GREM2: variants seen among roughly 807,000 people sequenced by gnomAD.
GREM2 encodes gremlin-2.
Under a neutral mutation model 14.2 loss-of-function variants are expected in GREM2, and 11 were observed. That is an observed-to-expected ratio of 0.78 (90% CI 0.49 to 1.28). GREM2 has a LOEUF of 1.28. Ranked by LOEUF, GREM2 falls within the 50% of genes most tolerant of loss-of-function variation. The pLI is 0.00. For missense variants in GREM2, 210 were observed against 218.5 expected (o/e 0.96, Z 0.24); for synonymous variants, 98 against 97.6 (o/e 1.00, Z -0.02).
intron 1 of GREM2, among the ~76,000 whole-genome samples, chr1:240,503,748 G>T (rs1407677881): frequency 3.3e-5 from 5 of 152,128 alleles, no homozygotes; most frequent in African/African-American, 1.2e-4. Context: ...ATAAAATGCT[G>T]TTTCCTTTGT....
At chr1:240,503,614 TG>T (rs750058169) in intron 1 of GREM2, among the ~76,000 whole-genome samples, 6 of 152,218 alleles carry the variant, frequency 3.9e-5, no homozygotes, top group Non-Finnish European at 8.8e-5. Context: ...TTACACCTTA[TG>T]CTTGAAATGC....
chr1:240,552,523 A>G (rs896351177), intron 1 of GREM2, among the ~76,000 whole-genome samples: 1 of 152,178 alleles, frequency 6.6e-6, no homozygotes, highest in African/African-American at 2.4e-5. Context: ...TGAGCCCAAG[A>G]GTTTGAGATT....
At chr1:240,573,871 C>A (rs1679306879) in intron 1 of GREM2, among the ~76,000 whole-genome samples, 1 of 152,086 alleles carries the variant, frequency 6.6e-6, no homozygotes, top group African/African-American at 2.4e-5. Context: ...AGAGCTGGGA[C>A]TGGAATCCAG....
At chr1:240,569,645 A>G (rs1354633250) in intron 1 of GREM2, among the ~76,000 whole-genome samples, 1 of 152,210 alleles carries the variant, frequency 6.6e-6, no homozygotes, top group African/African-American at 2.4e-5. Flanking sequence ...CTATCCATAG[A>G]TGGGGAAAAA....
chr1:240,562,764 T>C (rs1010785133), intron 1 of GREM2, among the ~76,000 whole-genome samples: 17 of 151,858 alleles, frequency 1.1e-4, no homozygotes, highest in African/African-American at 3.6e-4. Flanking sequence ...TGTGTGTATG[T>C]ATATGTGTGT....
chr1:240,495,813 A>G (rs1677400271), intron 1 of GREM2, among the ~76,000 whole-genome samples: 1 of 152,202 alleles, frequency 6.6e-6, no homozygotes, highest in African/African-American at 2.4e-5. Flanking sequence ...AGGCCTTTGC[A>G]TGCCACCTTG....
At chr1:240,575,901 G>GA (rs200904291) in intron 1 of GREM2, among the ~76,000 whole-genome samples, 42,658 of 130,268 alleles carry the variant, frequency 0.33, 7,209 homozygotes, top group African/African-American at 0.46. Context: ...TGCTCTGCTG[G>GA]AAAAAAAAAA....
chr1:240,554,363 A>G (rs1287931388), intron 1 of GREM2, among the ~76,000 whole-genome samples: 1 of 146,972 alleles, frequency 6.8e-6, no homozygotes, highest in Non-Finnish European at 1.5e-5. Flanking sequence ...GTGAGCTGAG[A>G]CCCCGCCACT....
chr1:240,596,780 G>T (rs1679826594), intron 1 of GREM2, among the ~76,000 whole-genome samples: 1 of 151,784 alleles, frequency 6.6e-6, no homozygotes, highest in Admixed American at 6.6e-5. Flanking sequence ...TTCCAGGTAA[G>T]TCTTTGACAC....
intron 1 of GREM2, among the ~76,000 whole-genome samples, chr1:240,565,156 T>C (rs764559359): frequency 2.0e-5 from 3 of 152,200 alleles, no homozygotes; most frequent in Non-Finnish European, 4.4e-5. Context: ...TACCTTATTG[T>C]TGAATGTGTG....
At chr1:240,534,411 C>T (rs1009420826) in intron 1 of GREM2, among the ~76,000 whole-genome samples, 6 of 152,088 alleles carry the variant, frequency 3.9e-5, no homozygotes, top group Non-Finnish European at 8.8e-5. Context: ...TGCAAAAGGC[C>T]GGGTGCAGTG....
intron 1 of GREM2, among the ~76,000 whole-genome samples, chr1:240,563,035 T>C (rs576207587): frequency 6.9e-6 from 1 of 143,950 alleles, no homozygotes; most frequent in Non-Finnish European, 1.5e-5. Flanking sequence ...TGTATATGAG[T>C]GTGTATGTGT....
intron 1 of GREM2, among the ~76,000 whole-genome samples, chr1:240,559,219 T>G (rs910912303): frequency 6.6e-6 from 1 of 152,178 alleles, no homozygotes; most frequent in African/African-American, 2.4e-5. Context: ...AGCATGATTT[T>G]ATAACCTCAT....
intron 1 of GREM2, among the ~76,000 whole-genome samples, chr1:240,576,428 A>T (rs1360111850): frequency 1.3e-5 from 2 of 152,220 alleles, no homozygotes; most frequent in Admixed American, 6.5e-5. Context: ...CGTTACTAGC[A>T]TCACCAGTCC....
chr1:240,518,890 A>G (rs1418447044), intron 1 of GREM2, among the ~76,000 whole-genome samples: 19 of 152,212 alleles, frequency 1.2e-4, no homozygotes, highest in Non-Finnish European at 2.9e-5. Flanking sequence ...ATGTTGCTTG[A>G]TGAATTTATT....
chr1:240,507,667 A>G (rs1677711920), intron 1 of GREM2, among the ~76,000 whole-genome samples: 1 of 152,112 alleles, frequency 6.6e-6, no homozygotes, highest in Admixed American at 6.5e-5. Context: ...AAGGAAATCT[A>G]CAAAGGAAGA....
At chr1:240,603,246 C>G (rs1679963250) in intron 1 of GREM2, among the ~76,000 whole-genome samples, 1 of 152,170 alleles carries the variant, frequency 6.6e-6, no homozygotes, top group South Asian at 2.1e-4. Context: ...CAAGTAATTA[C>G]TGGTGCTTGA....
chr1:240,547,054 C>A (rs1678741365), intron 1 of GREM2, among the ~76,000 whole-genome samples: 1 of 151,926 alleles, frequency 6.6e-6, no homozygotes, highest in South Asian at 2.1e-4. Context: ...CTGGCCTGGC[C>A]TTAACAGGAA....
At position 240,576,241 on chromosome 1, in the gene GREM2, G is replaced by A. The variant is rs568241338; in HGVS notation, c.-2+35643C>T. 2.0e-5 allele frequency among the ~76,000 whole-genome samples: 3 copies of A among 152,306 alleles called. No individual in the cohort carries two copies. The East Asian group carries it at 5.8e-4, about 29-fold the overall frequency. On this transcript the variant is annotated intron_variant, in intron 1 of 1. Transcript: ENST00000318160. ...AAATTCATAGATAATTCAGTTTCAT[G>A]AACTAGGGCCAGCAATAGAATTGTC... is the stretch of plus-strand genomic sequence containing the variant.
Sources: gnomAD v4.1 joint callset for allele counts (sites outside exome capture counted in the v4.1 genomes callset) on GRCh38, gnomAD v4.1.1 for gene constraint, MANE v1.5 for transcripts, NCBI Gene and HGNC (gene_info 2026-07-23, HGNC 2026-07-21) for gene names.